The following PDE1C variants were observed in gnomAD, a reference collection of about 807,000 sequenced individuals.
PDE1C encodes the protein phosphodiesterase 1C, also known as dual specificity calcium/calmodulin-dependent 3',5'-cyclic nucleotide phosphodiesterase 1C.
PDE1C carries 62 observed loss-of-function variants against 93.1 expected under a neutral mutation model. The observed-to-expected ratio is 0.67, with a 90% CI of 0.54 to 0.82. The LOEUF (loss-of-function observed/expected upper bound fraction) is 0.82. Ranked by LOEUF, PDE1C falls within the 40% of genes least tolerant of loss-of-function variation. The pLI is 0.00. For missense variants in PDE1C, 742 were observed against 884.6 expected (o/e 0.84, Z 2.04); for synonymous variants, 325 against 310.1 (o/e 1.05, Z -0.50).
At chr7:32,364,560 C>A (rs548356188) in intron 1 of PDE1C, among the ~76,000 whole-genome samples, 2 of 152,234 alleles carry the variant, frequency 1.3e-5, no homozygotes, top group East Asian at 1.9e-4. Flanking sequence ...ACAGCCCTTA[C>A]TACCAGAGAA....
chr7:32,406,324 G>A (rs73307849), intron 1 of PDE1C, among the ~76,000 whole-genome samples: 250 of 152,224 alleles, frequency 1.6e-3, no homozygotes, highest in African/African-American at 5.9e-3. Context: ...GGTTGGTGGG[G>A]AGAATAAGTA....
chr7:32,204,533 T>C (rs532399038), intron 2 of PDE1C, among the ~76,000 whole-genome samples: 6 of 152,316 alleles, frequency 3.9e-5, no homozygotes, highest in Admixed American at 3.9e-4. Flanking sequence ...ATGCACTGAA[T>C]GCAGCGTCTT....
intron 2 of PDE1C, among the ~76,000 whole-genome samples, chr7:31,966,467 T>C (rs564276708): frequency 1.3e-5 from 2 of 152,106 alleles, no homozygotes; most frequent in South Asian, 2.1e-4. Flanking sequence ...AGCAAGTCCT[T>C]AGTGACCTAC....
At chr7:31,634,692 G>GA in the PDE1C span, among the ~76,000 whole-genome samples, 2 of 152,090 alleles carry the variant, frequency 1.3e-5, no homozygotes, top group Middle Eastern at 3.2e-3. Context: ...AAGGAGGCAT[G>GA]AAAAAAATTG....
chr7:31,856,682 CTTT>C (rs35316004), intron 7 of PDE1C, among the ~76,000 whole-genome samples: 50 of 121,018 alleles, frequency 4.1e-4, no homozygotes, highest in Non-Finnish European at 5.9e-4. Flanking sequence ...ATATAAGAGG[CTTT>C]TTTTTTTTTT....
intron 1 of PDE1C, among the ~76,000 whole-genome samples, chr7:32,390,541 G>GAAAA (rs753651084): frequency 3.2e-5 from 3 of 93,054 alleles, no homozygotes; most frequent in Admixed American, 1.3e-4. Context: ...AGTGATCATT[G>GAAAA]AAAAAAAAAA....
chr7:32,251,329 C>T (rs1344038293), intron 1 of PDE1C, among the ~76,000 whole-genome samples: 3 of 152,168 alleles, frequency 2.0e-5, no homozygotes, highest in East Asian at 1.9e-4. Context: ...GCTGGGGTGG[C>T]CCACTCTAAA....
At chr7:31,846,727 C>T (rs916776676) in intron 9 of PDE1C, among the ~76,000 whole-genome samples, 1 of 152,000 alleles carries the variant, frequency 6.6e-6, no homozygotes, top group Non-Finnish European at 1.5e-5. Flanking sequence ...TGTAATCAAA[C>T]CTTTTATTAT....
At chr7:31,730,344 T>A in the PDE1C span, among the ~76,000 whole-genome samples, 9 of 152,190 alleles carry the variant, frequency 5.9e-5, no homozygotes, top group Non-Finnish European at 1.2e-4. Flanking sequence ...GTTTCTGCTC[T>A]CTTCCCTCTG....
rs137950739 is a variant in PDE1C, at chr7:32,211,523, T to A, written c.86-1984A>T. ...TTATCATAGCTAAGTATTAAAAAAA[T>A]CTTATGAGCACTTGGAAAGCTCTCA... On this transcript the variant is annotated intron_variant, in intron 1 of 18. Transcript: ENST00000396193. Among the ~76,000 whole-genome samples, 567 of 150,646 alleles carry A rather than the reference T, an allele frequency of 3.8e-3. 3 individuals carry two copies. Among genetic ancestry groups the A allele is most frequent in the African/African-American group, 0.013 (537 of 40,976 alleles).
At chr7:31,676,196 C>A in the PDE1C span, among the ~76,000 whole-genome samples, 1 of 152,090 alleles carries the variant, frequency 6.6e-6, no homozygotes, top group African/African-American at 2.4e-5. Flanking sequence ...AATAGTGGGA[C>A]TAGATAATGT....
chr7:31,927,109 G>C (rs1179412628), intron 2 of PDE1C, among the ~76,000 whole-genome samples: 1 of 152,132 alleles, frequency 6.6e-6, no homozygotes, highest in Non-Finnish European at 1.5e-5. Flanking sequence ...GACCTGGGAC[G>C]ATTGAGCTTG....
chr7:32,065,058 G>T (rs1266782804), intron 1 of PDE1C, among the ~76,000 whole-genome samples: 64 of 151,118 alleles, frequency 4.2e-4, no homozygotes, highest in Admixed American at 7.3e-4. Flanking sequence ...CGGTGGGGGG[G>T]GGGGGGAGGA....
At position 31,816,159 on chromosome 7, in the gene PDE1C, A is replaced by G. The variant is rs2128723875; in HGVS notation, c.1583-5T>C. On this transcript the variant is annotated splice_region_variant and splice_polypyrimidine_tract_variant and intron_variant, in intron 14 of 17. Transcript: ENST00000396191. ...CTTCCTTCTTGGCCTTCTCCTCTGC[A>G]TCCATGGCAAGTTGGGAAAGCCACA... The G allele has an allele frequency of 6.2e-7, 1 of 1,610,956 alleles. No homozygotes were observed. The highest frequency in any genetic ancestry group is 2.2e-5 in the East Asian group (1 of 44,790).
intron 11 of PDE1C, among the ~76,000 whole-genome samples, chr7:31,831,497 C>CACACACAT (rs1491120415): frequency 9.2e-5 from 4 of 43,646 alleles, no homozygotes; most frequent in Non-Finnish European, 2.5e-4. Flanking sequence ...CACACATGCA[C>CACACACAT]GCACACACAC....
At chr7:32,349,792 G>T (rs1416415184) in intron 1 of PDE1C, among the ~76,000 whole-genome samples, 3 of 152,110 alleles carry the variant, frequency 2.0e-5, no homozygotes, top group Non-Finnish European at 2.9e-5. Flanking sequence ...ACCACACCCA[G>T]CTAATTTTTG....
chr7:32,235,998 G>A (rs920162761), intron 1 of PDE1C, among the ~76,000 whole-genome samples: 1 of 151,966 alleles, frequency 6.6e-6, no homozygotes, highest in Non-Finnish European at 1.5e-5. Flanking sequence ...CACAAATATG[G>A]CCAATTGATT....
intron 1 of PDE1C, among the ~76,000 whole-genome samples, chr7:32,057,894 G>C (rs1794323569): frequency 6.6e-6 from 1 of 152,170 alleles, no homozygotes; most frequent in Non-Finnish European, 1.5e-5. Context: ...GGATAAGTGA[G>C]AGTCGATTAA....
chr7:31,812,125 G>A (rs528548640), intron 15 of PDE1C, among the ~76,000 whole-genome samples: 2 of 152,132 alleles, frequency 1.3e-5, no homozygotes, highest in East Asian at 1.9e-4. Context: ...ATATAGTCCC[G>A]AACCACCATT....
Sources: gnomAD v4.1 joint callset for allele counts (sites outside exome capture counted in the v4.1 genomes callset) on GRCh38, gnomAD v4.1.1 for gene constraint, MANE v1.5 for transcripts, NCBI Gene and HGNC (gene_info 2026-07-23, HGNC 2026-07-21) for gene names.